Variants in LRRC4C observed in about 807,000 individuals in gnomAD.
The protein encoded by LRRC4C is leucine-rich repeat-containing protein 4C.
A neutral mutation model predicts 33.6 loss-of-function variants in LRRC4C; 5 were observed. That is an observed-to-expected ratio of 0.15 (90% CI 0.08 to 0.31). The LOEUF (loss-of-function observed/expected upper bound fraction) is 0.31. Among genes scored for constraint, LRRC4C ranks in the 10% least tolerant of loss-of-function variants. The pLI is 1.00. For synonymous variants in LRRC4C, 329 were observed against 302.0 expected (o/e 1.09, Z -0.93); for missense variants, 560 against 796.7 (o/e 0.70, Z 3.58).
chr11:40,660,814 G>A (rs1943395543), intron 2 of LRRC4C, among the ~76,000 whole-genome samples: 2 of 152,116 alleles, frequency 1.3e-5, no homozygotes, highest in African/African-American at 4.8e-5. Context: ...CTCACCGTGT[G>A]AATGTGAACA....
At chr11:40,275,120 A>G (rs1463587545) in intron 4 of LRRC4C, among the ~76,000 whole-genome samples, 1 of 152,170 alleles carries the variant, frequency 6.6e-6, no homozygotes, top group African/African-American at 2.4e-5. Flanking sequence ...ACAAGAGGAT[A>G]TTTTGATCCC....
intron 2 of LRRC4C, among the ~76,000 whole-genome samples, chr11:40,924,256 A>G (rs2136392645): frequency 6.6e-6 from 1 of 152,084 alleles, no homozygotes; most frequent in East Asian, 1.9e-4. Context: ...AGAGAATAAG[A>G]GTTCAGCTGC....
intron 4 of LRRC4C, among the ~76,000 whole-genome samples, chr11:40,275,857 T>C (rs1375339259): frequency 6.6e-6 from 1 of 152,164 alleles, no homozygotes; most frequent in Non-Finnish European, 1.5e-5. Flanking sequence ...CTATCCACTA[T>C]ATGTAAGGCA....
intron 3 of LRRC4C, among the ~76,000 whole-genome samples, chr11:40,320,415 G>A (rs1358991514): frequency 6.6e-6 from 1 of 152,150 alleles, no homozygotes; most frequent in Non-Finnish European, 1.5e-5. Flanking sequence ...TGAGGCAGGA[G>A]AATGGTGTGA....
chr11:40,274,446 C>CAA (rs1325948970), intron 4 of LRRC4C, among the ~76,000 whole-genome samples: 1 of 151,308 alleles, frequency 6.6e-6, no homozygotes, highest in Non-Finnish European at 1.5e-5. Context: ...CACACACACA[C>CAA]ACACACACAC....
intron 1 of LRRC4C, among the ~76,000 whole-genome samples, chr11:41,445,943 T>G (rs1407756140): frequency 6.6e-6 from 1 of 151,638 alleles, no homozygotes; most frequent in Non-Finnish European, 1.5e-5. Context: ...ATGTGTTTCC[T>G]TTTTATGTTG....
At chr11:40,152,131 C>T (rs1427659784) in intron 5 of LRRC4C, among the ~76,000 whole-genome samples, 7 of 152,176 alleles carry the variant, frequency 4.6e-5, no homozygotes. Flanking sequence ...ACTGTGAGTG[C>T]CCCATCTGTG....
intron 3 of LRRC4C, among the ~76,000 whole-genome samples, chr11:40,534,236 T>C (rs542976250): frequency 5.4e-5 from 8 of 149,426 alleles, no homozygotes; most frequent in Non-Finnish European, 1.2e-4. Flanking sequence ...ATTATTATTA[T>C]TGCTTTTTGC....
chr11:40,696,770 A>ATATATG (rs1565646096), intron 2 of LRRC4C, among the ~76,000 whole-genome samples: 45 of 144,632 alleles, frequency 3.1e-4, no homozygotes, highest in Admixed American at 2.8e-3. Flanking sequence ...ATATATATAT[A>ATATATG]TATATCTGAG....
rs564442837 is a variant in LRRC4C, at chr11:40,220,265, T to C, written c.-96+21254A>G. ...TCAAGATTTATGACAGAAAAGTCTG[T>C]CGACTCCTACACCTCCCAAAAATTG... On this transcript the variant is annotated intron_variant, in intron 5 of 6. Coordinates refer to ENST00000528697, the MANE Select transcript of LRRC4C (RefSeq NM_001258419.2). 6.4e-4 allele frequency among the ~76,000 whole-genome samples: 98 copies of C among 152,308 alleles called. 1 individual carries two copies. The Middle Eastern group carries it at 0.027, about 42-fold the overall frequency.
intron 4 of LRRC4C, among the ~76,000 whole-genome samples, chr11:40,271,294 A>G (rs1942677473): frequency 6.6e-6 from 1 of 152,084 alleles, no homozygotes; most frequent in Non-Finnish European, 1.5e-5. Context: ...CATCCTTTCA[A>G]CAACACTGAA....
chr11:40,224,453 A>G (rs1864644116), intron 5 of LRRC4C, among the ~76,000 whole-genome samples: 1 of 152,256 alleles, frequency 6.6e-6, no homozygotes, highest in African/African-American at 2.4e-5. Context: ...GGTGCCCACA[A>G]TAAATAAAAT....
At chr11:40,938,433 C>G (rs1958002033) in intron 1 of LRRC4C, among the ~76,000 whole-genome samples, 1 of 152,072 alleles carries the variant, frequency 6.6e-6, no homozygotes, top group Non-Finnish European at 1.5e-5. Flanking sequence ...GTACAAACAA[C>G]AACAACAATA....
At chr11:40,217,326 T>G (rs1052283215) in intron 5 of LRRC4C, among the ~76,000 whole-genome samples, 80 of 152,198 alleles carry the variant, frequency 5.3e-4, no homozygotes, top group African/African-American at 1.9e-3. Context: ...TAAACTTTAG[T>G]AAGAAATAGT....
chr11:40,477,057 T>C (rs753116322), intron 3 of LRRC4C, among the ~76,000 whole-genome samples: 17 of 152,208 alleles, frequency 1.1e-4, no homozygotes, highest in Non-Finnish European at 1.6e-4. Flanking sequence ...GCCAGAACTG[T>C]CTGATTTATC....
At chr11:40,933,200 C>T (rs968759084) in intron 2 of LRRC4C, among the ~76,000 whole-genome samples, 1 of 152,174 alleles carries the variant, frequency 6.6e-6, no homozygotes, top group African/African-American at 2.4e-5. Context: ...CATGCAACTG[C>T]AGTTAGAAAG....
At chr11:40,560,302 ATCT>A (rs1201643687) in intron 3 of LRRC4C, among the ~76,000 whole-genome samples, 1 of 152,184 alleles carries the variant, frequency 6.6e-6, no homozygotes, top group Non-Finnish European at 1.5e-5. Context: ...CCAGGCATTG[ATCT>A]TCTCCCACTC....
chr11:41,400,907 T>C (rs1954001907), intron 1 of LRRC4C, among the ~76,000 whole-genome samples: 2 of 151,920 alleles, frequency 1.3e-5, no homozygotes, highest in Non-Finnish European at 2.9e-5. Flanking sequence ...TCCCATAAAA[T>C]GCTGCTGAAC....
intron 2 of LRRC4C, among the ~76,000 whole-genome samples, chr11:40,765,169 T>C (rs761585342): frequency 6.6e-6 from 1 of 152,172 alleles, no homozygotes; most frequent in Non-Finnish European, 1.5e-5. Context: ...AAGTTGTAAT[T>C]TCCAGTGTTG....
Sources: gnomAD v4.1 joint callset for allele counts (sites outside exome capture counted in the v4.1 genomes callset) on GRCh38, gnomAD v4.1.1 for gene constraint, MANE v1.5 for transcripts, NCBI Gene and HGNC (gene_info 2026-07-23, HGNC 2026-07-21) for gene names.